The following BAIAP2L1 variants were observed in gnomAD, a reference collection of about 807,000 sequenced individuals.
The protein encoded by BAIAP2L1 is BAR/IMD domain-containing adapter protein 2-like 1.
BAIAP2L1 carries 35 observed loss-of-function variants against 66.3 expected under a neutral mutation model. The observed-to-expected ratio is 0.53, with a 90% CI of 0.40 to 0.70. The LOEUF (loss-of-function observed/expected upper bound fraction) is 0.70, where lower values mean the gene tolerates loss of function less well. Ranked by LOEUF, BAIAP2L1 falls within the 30% of genes least tolerant of loss-of-function variation. BAIAP2L1 has a pLI of 0.00. For synonymous variants in BAIAP2L1, 269 were observed against 248.7 expected, an observed-to-expected ratio of 1.08 and a Z score of -0.77; for missense variants, 622 against 656.9, an observed-to-expected ratio of 0.95 and a Z score of 0.58.
chr7:98,396,653 G>A (rs1482236654), intron 1 of BAIAP2L1, among the ~76,000 whole-genome samples: 3 of 152,100 alleles, frequency 2.0e-5, no homozygotes, highest in Non-Finnish European at 4.4e-5. Flanking sequence ...AAATTTGCCA[G>A]GCGTGGCGGC....
At chr7:98,393,893 C>T (rs1261956929) in intron 1 of BAIAP2L1, among the ~76,000 whole-genome samples, 3 of 148,060 alleles carry the variant, frequency 2.0e-5, no homozygotes, top group Non-Finnish European at 3.0e-5. Flanking sequence ...CACCTGAAGT[C>T]GGGAGTTCGA....
rs144083350 is a variant in BAIAP2L1, at chr7:98,304,203, G to T, written c.1415C>A (p.Ala472Glu). 1.3e-6 allele frequency: 2 copies of T among 1,593,580 alleles called. No individual in the cohort carries two copies. The highest frequency in any genetic ancestry group is 1.7e-6 in the Non-Finnish European group (2 of 1,169,586). ...FKAPASKPET[A>E]APNDANGTAK... is the part of the protein sequence containing the mutation. ...TGCTGCGGCTTTACTCACAGGAGCCGCGGTCTCGGGCTTGGACGCTGGGGC... is the reference window on the plus strand; with the variant it reads ...TGCTGCGGCTTTACTCACAGGAGCCTCGGTCTCGGGCTTGGACGCTGGGGC... The change falls in exon 12 of 14, where the codon GCG becomes GAG. Residue 472 changes from alanine to glutamate, a missense_variant. By Grantham distance (107) the Ala-to-Glu change is moderately radical. Transcript: ENST00000005260.
At chr7:98,316,810 A>C (rs1055000481) in intron 6 of BAIAP2L1, among the ~76,000 whole-genome samples, 2 of 152,084 alleles carry the variant, frequency 1.3e-5, no homozygotes, top group African/African-American at 4.8e-5. Flanking sequence ...TCAGCTATCT[A>C]GAGAATGACA....
At chr7:98,350,307 G>T (rs1801972299) in intron 3 of BAIAP2L1, among the ~76,000 whole-genome samples, 1 of 151,868 alleles carries the variant, frequency 6.6e-6, no homozygotes, top group Admixed American at 6.6e-5. Flanking sequence ...AAGATGAGCA[G>T]GGGAAATGCA....
chr7:98,387,486 T>G (rs1346531987), intron 1 of BAIAP2L1, among the ~76,000 whole-genome samples: 1 of 152,224 alleles, frequency 6.6e-6, no homozygotes, highest in Non-Finnish European at 1.5e-5. Flanking sequence ...GTCACCCCTG[T>G]GTGATCAGCA....
chr7:98,393,147 A>ATATATG (rs1491299163), intron 1 of BAIAP2L1, among the ~76,000 whole-genome samples: 1 of 136,570 alleles, frequency 7.3e-6, no homozygotes, highest in Non-Finnish European at 1.6e-5. Flanking sequence ...ATATGTGTAC[A>ATATATG]TATATATGTA....
Position 98,310,503 on chromosome 7 carries a change from A to G in BAIAP2L1, c.897T>C (p.Asp299=). Residue 299 remains aspartate (D), a synonymous_variant, in exon 9 of 14, where the codon GAT becomes GAC. Coordinates refer to ENST00000005260, the MANE Select transcript of BAIAP2L1 (RefSeq NM_018842.5). ...SGRAYTSPLI[D]MFNNPATAAP... The stretch of plus-strand genomic sequence containing the variant: ...CAGCCGTGGCTGGGTTATTAAACAT[A>G]TCGATCAAGGGACTGGTATATGCTC... The G allele has an allele frequency of 6.2e-7, 1 of 1,607,490 alleles. No individual in the cohort carries two copies. Among genetic ancestry groups the G allele is most frequent in the Admixed American group, 1.7e-5 (1 of 58,030 alleles).
At chr7:98,296,141 G>T (rs1800182363) in intron 12 of BAIAP2L1, among the ~76,000 whole-genome samples, 1 of 152,200 alleles carries the variant, frequency 6.6e-6, no homozygotes, top group Admixed American at 6.5e-5. Flanking sequence ...TCCCTACGGG[G>T]CCACCCCAGA....
intron 1 of BAIAP2L1, among the ~76,000 whole-genome samples, chr7:98,379,125 C>G (rs1157819969): frequency 6.6e-6 from 1 of 152,034 alleles, no homozygotes; most frequent in African/African-American, 2.4e-5. Flanking sequence ...GCGATCCGCC[C>G]GCTTCAGCCT....
intron 1 of BAIAP2L1, among the ~76,000 whole-genome samples, chr7:98,363,170 G>T (rs1197994783): frequency 2.0e-5 from 3 of 151,626 alleles, no homozygotes; most frequent in East Asian, 3.9e-4. Flanking sequence ...GAGTAGCTGG[G>T]ATTACAGGAG....
At chr7:98,348,569 C>CAAAAA (rs752966671) in intron 3 of BAIAP2L1, among the ~76,000 whole-genome samples, 2 of 109,808 alleles carry the variant, frequency 1.8e-5, no homozygotes, top group Non-Finnish European at 1.8e-5. Context: ...TCTGCCTCCA[C>CAAAAA]AAAAAAAAAA....
intron 3 of BAIAP2L1, among the ~76,000 whole-genome samples, chr7:98,338,089 T>C (rs1038283452): frequency 6.6e-6 from 1 of 152,204 alleles, no homozygotes; most frequent in Non-Finnish European, 1.5e-5. Context: ...ATTCACAATA[T>C]TGTGCAACCA....
chr7:98,337,156 G>A (rs1490934533), intron 3 of BAIAP2L1, among the ~76,000 whole-genome samples: 1 of 152,138 alleles, frequency 6.6e-6, no homozygotes, highest in Non-Finnish European at 1.5e-5. Flanking sequence ...CAGCGCACGT[G>A]GGAAGTGCTG....
intron 1 of BAIAP2L1, among the ~76,000 whole-genome samples, chr7:98,372,161 C>T (rs1458848757): frequency 2.0e-5 from 3 of 151,892 alleles, no homozygotes; most frequent in African/African-American, 7.2e-5. Flanking sequence ...AAGCCCAGCA[C>T]TTTGGGAGGC....
intron 12 of BAIAP2L1, 91 bp downstream of exon 12, chr7:98,304,105 A>G: frequency 7.4e-7 from 1 of 1,352,990 alleles, no homozygotes; most frequent in South Asian, 1.6e-5. Flanking sequence ...CTGGGGACAG[A>G]GCAGAGCAAG....
At chr7:98,360,434 T>A (rs1023470073) in intron 2 of BAIAP2L1, among the ~76,000 whole-genome samples, 11 of 152,248 alleles carry the variant, frequency 7.2e-5, no homozygotes, top group Admixed American at 4.6e-4. Context: ...TTTACCTACA[T>A]TTCTCAATGG....
chr7:98,343,786 T>A (rs540622819), intron 3 of BAIAP2L1, among the ~76,000 whole-genome samples: 2 of 152,216 alleles, frequency 1.3e-5, no homozygotes, highest in Non-Finnish European at 1.5e-5. Context: ...GCAAAAACTT[T>A]AGGCCTTGTG....
intron 3 of BAIAP2L1, among the ~76,000 whole-genome samples, chr7:98,323,834 C>T (rs1220851869): frequency 6.6e-6 from 1 of 152,234 alleles, no homozygotes; most frequent in Non-Finnish European, 1.5e-5. Context: ...CACATCTTGG[C>T]TGCGATTCTG....
At chr7:98,328,233 G>A (rs890193440) in intron 3 of BAIAP2L1, among the ~76,000 whole-genome samples, 3 of 152,114 alleles carry the variant, frequency 2.0e-5, no homozygotes, top group African/African-American at 4.8e-5. Context: ...GCCGGAGAAG[G>A]GCCAGGCACC....
Sources: gnomAD v4.1 joint callset for allele counts (sites outside exome capture counted in the v4.1 genomes callset) on GRCh38, gnomAD v4.1.1 for gene constraint, MANE v1.5 for transcripts, NCBI Gene and HGNC (gene_info 2026-07-23, HGNC 2026-07-21) for gene names.